ZNF2: variants seen among roughly 807,000 people sequenced by gnomAD.
The protein encoded by ZNF2 is zinc finger protein 2, also known as zinc finger protein 2.2.
A neutral mutation model predicts 21.9 loss-of-function variants in ZNF2; 12 were observed. That is an observed-to-expected ratio of 0.55 (90% CI 0.35 to 0.89). ZNF2 has a LOEUF of 0.89. Ranked by LOEUF, ZNF2 falls within the 40% of genes least tolerant of loss-of-function variation. The pLI, the probability that ZNF2 is intolerant of heterozygous loss-of-function variation, is 0.01. For synonymous variants in ZNF2, 186 were observed against 196.3 expected, an observed-to-expected ratio of 0.95 and a Z score of 0.44; for missense variants, 462 against 544.2, an observed-to-expected ratio of 0.85 and a Z score of 1.50.
At chr2:95,175,037 A>T (rs1360525308) in intron 1 of ZNF2, among the ~76,000 whole-genome samples, 1 of 152,022 alleles carries the variant, frequency 6.6e-6, no homozygotes. Flanking sequence ...TTTTATTTTT[A>T]TATTTTTTTA....
chr2:95,171,671 G>A (rs116306113), intron 1 of ZNF2, among the ~76,000 whole-genome samples: 1,616 of 152,296 alleles, frequency 0.011, 13 homozygotes, highest in Middle Eastern at 0.02. Context: ...GTGAGCCACC[G>A]CACCCAGCCT....
In ZNF2 at chr2:95,181,414, A is replaced by G. The variant is rs773552934; in HGVS notation, c.586A>G (p.Thr196Ala). 1.9e-5 allele frequency: 31 copies of G among 1,613,992 alleles called. No individual in the cohort carries two copies. In the Admixed American group the frequency reaches 4.3e-4, roughly 23 times the overall value. The change falls in exon 5 of 5, where the codon ACT becomes GCT. Residue 196 changes from threonine (T) to alanine (A), a missense_variant. By Grantham distance (58) the Thr-to-Ala change is moderately conservative. Transcript: ENST00000614034. ...CCTCACCCGCCATCAGAGGACTCAC[A>G]CTGGGGAGAAGCCCTACGACTGCCG... Reference protein sequence around the residue: ...SSLTRHQRTHTGEKPYDCREC... With the variant: ...SSLTRHQRTHAGEKPYDCREC...
At chr2:95,179,981 TG>T (rs1205008129) in intron 3 of ZNF2, among the ~76,000 whole-genome samples, 177 bp from the exon 4 acceptor site, 2 of 152,170 alleles carry the variant, frequency 1.3e-5, no homozygotes, top group African/African-American at 4.8e-5. Context: ...CACTTGAACC[TG>T]GGAGATGGAG....
intron 3 of ZNF2, among the ~76,000 whole-genome samples, chr2:95,178,893 C>T (rs1272109245): frequency 6.6e-6 from 1 of 151,410 alleles, no homozygotes; most frequent in Non-Finnish European, 1.5e-5. Flanking sequence ...TGAGGTAGAT[C>T]AGTACTGATA....
Position 95,183,852 on chromosome 2 carries a change from C to T in ZNF2, c.*1746C>T, listed in dbSNP as rs1322310612. On this transcript the variant is annotated 3_prime_UTR_variant, in exon 5 of 5. Coordinates refer to ENST00000614034, the MANE Select transcript of ZNF2 (RefSeq NM_021088.4). ...AGCCAGGATGGTCTCAATCTCCTGA[C>T]CTCGTGATCCGCCCGCCTCGGCCTC... The T allele has an allele frequency of 2.6e-5, 4 of 152,042 alleles. No homozygotes were observed. Among genetic ancestry groups the T allele is most frequent in the Non-Finnish European group, 5.9e-5 (4 of 68,026 alleles). The allele number at this position is 152,042 out of a possible 1,614,324, so 9.4% of individuals were successfully genotyped here. A position where few individuals can be genotyped will look rare whatever the true frequency, so the allele number is the denominator to read the frequency against.
intron 4 of ZNF2, 116 bp from the exon 5 acceptor site, chr2:95,180,987 T>C (rs1352432780): frequency 2.3e-6 from 3 of 1,278,152 alleles, no homozygotes; most frequent in Non-Finnish European, 3.3e-6. Context: ...AGACTATCTA[T>C]GGGAGCAAGC....
In ZNF2 at chr2:95,181,730, C is replaced by T; in HGVS notation, c.902C>T (p.Thr301Ile). ...GCCTTTAGCCAGAAAAGTATTCTTA[C>T]TCGCCATCAGCTAATCCACACTGGC... ...GKAFSQKSIL[T>I]RHQLIHTGRK... The change falls in exon 5 of 5, where the codon ACT (threonine) becomes ATT (isoleucine). Residue 301 changes from threonine (T) to isoleucine (I), a missense_variant. Transcript: ENST00000614034. The T allele has an allele frequency of 9.9e-6, 16 of 1,614,204 alleles. No homozygotes were observed. Among genetic ancestry groups the T allele is most frequent in the Non-Finnish European group, 1.4e-5 (16 of 1,180,044 alleles).
chr2:95,179,426 G>A (rs571589436), intron 3 of ZNF2, among the ~76,000 whole-genome samples: 142 of 152,250 alleles, frequency 9.3e-4, no homozygotes, highest in Non-Finnish European at 1.7e-3. Context: ...AGAATGCACC[G>A]GACAGACTTG....
chr2:95,173,143 T>C (rs1674338621), intron 1 of ZNF2, among the ~76,000 whole-genome samples: 1 of 152,074 alleles, frequency 6.6e-6, no homozygotes, highest in African/African-American at 2.4e-5. Context: ...TATGTAAATA[T>C]TATACAGTAA....
chr2:95,179,232 T>C (rs1674552947), intron 3 of ZNF2, among the ~76,000 whole-genome samples: 1 of 152,184 alleles, frequency 6.6e-6, no homozygotes, highest in African/African-American at 2.4e-5. Context: ...CCTCAGGTGA[T>C]CCACCCATCT....
At chr2:95,171,279 G>A (rs1297229370) in intron 1 of ZNF2, among the ~76,000 whole-genome samples, 1 of 151,880 alleles carries the variant, frequency 6.6e-6, no homozygotes, top group East Asian at 1.9e-4. Context: ...CTCCATGAAC[G>A]GCATCGTTAT....
In ZNF2 at chr2:95,182,279, A is replaced by T; in HGVS notation, c.*173A>T. On this transcript the variant is annotated 3_prime_UTR_variant, in exon 5 of 5. Transcript: ENST00000614034. ...CCTTCCTGCTGTGTTATAGAACTGT[A>T]GGGGAGGCCATGGAAATGACTCTAA... 1 of 779,466 alleles carries T rather than the reference A, an allele frequency of 1.3e-6. No homozygotes were observed. The highest frequency in any genetic ancestry group is 2.0e-6 in the Non-Finnish European group (1 of 511,180). The allele number at this position is 779,466 out of a possible 1,614,324, so 48.3% of individuals were successfully genotyped here.
intron 3 of ZNF2, among the ~76,000 whole-genome samples, chr2:95,178,329 C>G (rs1332787121): frequency 6.6e-6 from 1 of 152,168 alleles, no homozygotes; most frequent in East Asian, 1.9e-4. Flanking sequence ...TAAAAGGAGT[C>G]ACATTGCAGA....
At chr2:95,178,207 T>C (rs182525747) in intron 3 of ZNF2, among the ~76,000 whole-genome samples, 1 of 152,220 alleles carries the variant, frequency 6.6e-6, no homozygotes, top group East Asian at 1.9e-4. Flanking sequence ...CTGGTGTTAG[T>C]GAAAAGTAAA....
Position 95,180,281 on chromosome 2 carries a change from G to A in ZNF2, c.274+9G>A. On this transcript the variant is annotated intron_variant, in intron 4 of 4. Coordinates refer to ENST00000614034, the MANE Select transcript of ZNF2 (RefSeq NM_021088.4). The stretch of plus-strand genomic sequence containing the variant: ...AGAGAGTGTCTCTCTAGGTAACTGA[G>A]TGTGAACAAGACAGAATGGAATTTT... 1 of 1,581,210 alleles carries A rather than the reference G, an allele frequency of 6.3e-7. No individual in the cohort carries two copies. Among genetic ancestry groups the A allele is most frequent in the Non-Finnish European group, 8.7e-7 (1 of 1,151,092 alleles).
At chr2:95,169,137 T>G (rs1674187716) in intron 1 of ZNF2, among the ~76,000 whole-genome samples, 1 of 152,196 alleles carries the variant, frequency 6.6e-6, no homozygotes, top group Non-Finnish European at 1.5e-5. Context: ...CTTACTGAAG[T>G]GACTGCTGGT....
chr2:95,181,523 G>C lies in ZNF2; in HGVS notation c.695G>C (p.Ser232Thr). 2 of 1,614,192 alleles carry C rather than the reference G, an allele frequency of 1.2e-6. No homozygotes were observed. Among genetic ancestry groups the C allele is most frequent in the Non-Finnish European group, 1.7e-6 (2 of 1,180,034 alleles). Reference sequence around the variant, plus strand: ...ACTGGGGAGAGCCCCTACGAGTGCAGTGTGTGCTCAAAAGCCTTCTTTGAC... The same window carrying C: ...ACTGGGGAGAGCCCCTACGAGTGCACTGTGTGCTCAAAAGCCTTCTTTGAC... ...SHTGESPYEC[S>T]VCSKAFFDRS... The change falls in exon 5 of 5, where the codon AGT becomes ACT. Residue 232 changes from serine to threonine, a missense_variant. By Grantham distance (58) the Ser-to-Thr change is moderately conservative. Transcript: ENST00000614034.
intron 2 of ZNF2, 48 bp from the exon 3 acceptor site, chr2:95,177,435 A>T: frequency 6.3e-7 from 1 of 1,592,858 alleles, no homozygotes; most frequent in Non-Finnish European, 8.6e-7. Context: ...GTCTGGTCCA[A>T]GTAAAGAGAA....
chr2:95,177,657 G>A, intron 3 of ZNF2, 48 bp downstream of exon 3: 2 of 1,569,980 alleles, frequency 1.3e-6, no homozygotes, highest in Non-Finnish European at 1.7e-6. Flanking sequence ...ATGCTAATGT[G>A]GGGCTGAGAG....
Sources: gnomAD v4.1 joint callset for allele counts (sites outside exome capture counted in the v4.1 genomes callset) on GRCh38, gnomAD v4.1.1 for gene constraint, MANE v1.5 for transcripts, NCBI Gene and HGNC (gene_info 2026-07-23, HGNC 2026-07-21) for gene names.